The following NTRK3 variants were observed in gnomAD, a reference collection of about 807,000 sequenced individuals.
NTRK3 encodes NT-3 growth factor receptor.
NTRK3 carries 24 observed loss-of-function variants against 91.7 expected under a neutral mutation model. The observed-to-expected ratio is 0.26, with a 90% CI of 0.19 to 0.37. NTRK3 has a LOEUF of 0.37. NTRK3 is among the 10% of genes least tolerant of loss of function. The pLI is 1.00. For synonymous variants in NTRK3, 483 were observed against 404.0 expected, an observed-to-expected ratio of 1.20 and a Z score of -2.34; for missense variants, 880 against 1,068.9, an observed-to-expected ratio of 0.82 and a Z score of 2.46.
At chr15:87,958,019 G>A (rs370385864) in intron 14 of NTRK3, among the ~76,000 whole-genome samples, 1 of 152,094 alleles carries the variant, frequency 6.6e-6, no homozygotes. Context: ...GTGGCTGGAG[G>A]TCTTTTAGAG....
rs551546476 is a variant in NTRK3, at chr15:87,958,692, C to T, written c.1586-17939G>A. 6.6e-5 allele frequency among the ~76,000 whole-genome samples: 10 copies of T among 152,130 alleles called. No homozygotes were observed. The South Asian group carries it at 2.1e-3, about 32-fold the overall frequency. On this transcript the variant is annotated intron_variant, in intron 14 of 18. Transcript: ENST00000394480. Reference sequence around the variant, plus strand: ...AATCTGTCCACATCTGCAATAGACCCTCTGCCCCTTATCCTGCTGGCACCA... The same window carrying T: ...AATCTGTCCACATCTGCAATAGACCTTCTGCCCCTTATCCTGCTGGCACCA...
rs1002760845 is a variant in NTRK3 at position 88,255,685 on chromosome 15, C to T, written c.248+221G>A. Reference sequence around the variant, plus strand: ...GGCCGGGGTCCTCTCCGGGGAGAGGCACACACACGCATAGCCGGATCGCGC... The same window carrying T: ...GGCCGGGGTCCTCTCCGGGGAGAGGTACACACACGCATAGCCGGATCGCGC... On this transcript the variant is annotated intron_variant, in intron 3 of 18. Transcript: ENST00000394480. This position sits in a 1 kb window ranked among gnomAD's most constrained non-coding sequence, Gnocchi z 4.3. Among the ~76,000 whole-genome samples the T allele has an allele frequency of 1.3e-5, 2 of 152,144 alleles. No homozygotes were observed. Among genetic ancestry groups the T allele is most frequent in the Non-Finnish European group, 2.9e-5 (2 of 68,012 alleles).
At chr15:87,951,201 CTG>C (rs1190909037) in intron 14 of NTRK3, among the ~76,000 whole-genome samples, 1 of 152,182 alleles carries the variant, frequency 6.6e-6, no homozygotes, top group Non-Finnish European at 1.5e-5. Context: ...GGAAATAATC[CTG>C]TGTTATCCGT....
intron 17 of NTRK3, chr15:87,925,435 G>A (rs542977229): frequency 2.1e-4 from 25 of 117,782 alleles, no homozygotes; most frequent in Non-Finnish European, 2.7e-4. Context: ...GCAAGCACAC[G>A]TGTATGCACA....
intron 13 of NTRK3, among the ~76,000 whole-genome samples, chr15:88,104,813 G>GTA (rs1274598389): frequency 8.5e-5 from 13 of 152,344 alleles, no homozygotes; most frequent in African/African-American, 2.9e-4. Flanking sequence ...GGAGAACAGA[G>GTA]GGGACAAGTT....
At chr15:88,023,210 C>T (rs1263377981) in intron 14 of NTRK3, among the ~76,000 whole-genome samples, 1 of 152,050 alleles carries the variant, frequency 6.6e-6, no homozygotes. Flanking sequence ...AAGTTCAAGC[C>T]CATGGGCCCA....
rs190625676 is a variant in NTRK3 at position 88,244,653 on chromosome 15, T to C, written c.248+11253A>G. ...AGCCCTTCCCTCCCTGCAGAAATCA[T>C]GGTCTAGTGCCCTCTTGTGGCTTTA... On this transcript the variant is annotated intron_variant, in intron 3 of 18. Coordinates refer to ENST00000394480, the Ensembl canonical transcript of NTRK3. Among the ~76,000 whole-genome samples the C allele has an allele frequency of 8.3e-4, 127 of 152,290 alleles. 2 individuals are homozygous for C. In the East Asian group the frequency reaches 0.019, roughly 23 times the overall value.
chr15:88,126,292 G>A (rs750055690), exon 13 of NTRK3: 18 of 1,613,636 alleles, frequency 1.1e-5, no homozygotes, highest in South Asian at 1.1e-4. Flanking sequence ...AATTTGGACC[G>A]TCGACCATAT....
At chr15:87,965,434 G>C (rs2072697211) in intron 14 of NTRK3, among the ~76,000 whole-genome samples, 1 of 152,132 alleles carries the variant, frequency 6.6e-6, no homozygotes, top group Non-Finnish European at 1.5e-5. Context: ...TATGATGCTG[G>C]TCACGGCATC....
In NTRK3 at chr15:88,033,176, T is replaced by TCATATA. The variant is rs1491166187; in HGVS notation, c.1397-132_1397-131insTATATG. On this transcript the variant is annotated intron_variant, in intron 13 of 18. Transcript: ENST00000394480. ...CTTTTTTTTACTTTTGGGGGGTGTG[T>TCATATA]TATATATATATATATATATATATAT... 8.4e-4 allele frequency: 165 copies of TCATATA among 196,050 alleles called. 11 individuals carry two copies. Among genetic ancestry groups the TCATATA allele is most frequent in the Middle Eastern group, 1.6e-3 (1 of 614 alleles). 12.1% of individuals were successfully genotyped at this position (196,050 alleles called of 1,614,324 possible). A position where few individuals can be genotyped will look rare whatever the true frequency, so the allele number is the denominator to read the frequency against.
intron 5 of NTRK3, among the ~76,000 whole-genome samples, chr15:88,173,629 G>A (rs533578510): frequency 6.6e-6 from 1 of 152,362 alleles, no homozygotes; most frequent in South Asian, 2.1e-4. Flanking sequence ...GTGCAAAGCA[G>A]GACATGGTTT....
chr15:88,081,356 A>T (rs1347878047), intron 13 of NTRK3, among the ~76,000 whole-genome samples: 1 of 151,922 alleles, frequency 6.6e-6, no homozygotes, highest in Non-Finnish European at 1.5e-5. Context: ...CCCTGCCACC[A>T]CTCCCATCCA....
intron 13 of NTRK3, among the ~76,000 whole-genome samples, chr15:88,102,601 C>T (rs1478073590): frequency 6.6e-6 from 1 of 152,096 alleles, no homozygotes; most frequent in East Asian, 1.9e-4. Flanking sequence ...GTGCTTGTAT[C>T]AAAATTTCAC....
intron 14 of NTRK3, among the ~76,000 whole-genome samples, chr15:88,009,619 A>G (rs147504669): frequency 6.6e-6 from 1 of 152,316 alleles, no homozygotes; most frequent in East Asian, 1.9e-4. Flanking sequence ...ACACACCCCT[A>G]TAGGGTGCAC....
At chr15:87,921,489 T>C (rs2067867668) in intron 17 of NTRK3, among the ~76,000 whole-genome samples, 1 of 152,198 alleles carries the variant, frequency 6.6e-6, no homozygotes. Context: ...CAAGCCTCCC[T>C]ACTCCTGGTC....
intron 3 of NTRK3, among the ~76,000 whole-genome samples, chr15:88,208,812 G>A (rs1263889922): frequency 6.6e-6 from 1 of 152,192 alleles, no homozygotes; most frequent in East Asian, 1.9e-4. Flanking sequence ...GCCAATGCCT[G>A]GAGCCCACCC....
intron 10 of NTRK3, among the ~76,000 whole-genome samples, chr15:88,129,195 A>G (rs1451014659): frequency 6.6e-6 from 1 of 152,198 alleles, no homozygotes; most frequent in African/African-American, 2.4e-5. Context: ...CAGGTCACTG[A>G]GAAGTTCTTG....
At chr15:87,907,634 C>A (rs2066851781) in intron 17 of NTRK3, among the ~76,000 whole-genome samples, 1 of 152,096 alleles carries the variant, frequency 6.6e-6, no homozygotes, top group Non-Finnish European at 1.5e-5. Flanking sequence ...GAAAGCCTCT[C>A]AAGATGGCAA....
At position 88,033,049 on chromosome 15, in the gene NTRK3, C is replaced by A. The variant is rs2078695090; in HGVS notation, c.1397-4G>T. ...CCACTGATGACAGCCACGGGACCTGCACACACCAAGAGAGACGCAGGACCT... is the reference window on the plus strand; with the variant it reads ...CCACTGATGACAGCCACGGGACCTGAACACACCAAGAGAGACGCAGGACCT... On this transcript the variant is annotated splice_region_variant and splice_polypyrimidine_tract_variant and intron_variant, in intron 13 of 18. Coordinates refer to ENST00000394480, the Ensembl canonical transcript of NTRK3. 6.4e-7 allele frequency: 1 copy of A among 1,572,646 alleles called. No individual in the cohort carries two copies. The highest frequency in any genetic ancestry group is 1.4e-5 in the African/African-American group (1 of 74,020).
Sources: gnomAD v4.1 joint callset for allele counts (sites outside exome capture counted in the v4.1 genomes callset) on GRCh38, gnomAD v4.1.1 for gene constraint, Gnocchi (gnomAD v3.1) non-coding constraint, MANE v1.5 for transcripts, NCBI Gene and HGNC (gene_info 2026-07-23, HGNC 2026-07-21) for gene names.